The following PRR16 variants were observed in gnomAD, a reference collection of about 807,000 sequenced individuals.
PRR16 encodes the protein protein Largen.
A neutral mutation model predicts 18.2 loss-of-function variants in PRR16; 6 were observed. That is an observed-to-expected ratio of 0.33 (90% CI 0.18 to 0.65). PRR16 has a LOEUF of 0.65. Among genes scored for constraint, PRR16 ranks in the 30% least tolerant of loss-of-function variants. PRR16 has a pLI of 0.74. For synonymous variants in PRR16, 151 were observed against 147.8 expected, an observed-to-expected ratio of 1.02 and a Z score of -0.16; for missense variants, 412 against 376.6, an observed-to-expected ratio of 1.09 and a Z score of -0.78.
the PRR16 span, among the ~76,000 whole-genome samples, chr5:120,733,407 C>T: frequency 6.6e-6 from 1 of 152,104 alleles, no homozygotes; most frequent in Non-Finnish European, 1.5e-5. Context: ...ACTTTAACAT[C>T]TCAAATTGTG....
the PRR16 span, among the ~76,000 whole-genome samples, chr5:120,749,900 G>A: frequency 1.3e-5 from 2 of 152,146 alleles, no homozygotes; most frequent in Admixed American, 1.3e-4. Context: ...ACTTTCTTCT[G>A]TAGATTTATA....
chr5:120,750,536 G>A, the PRR16 span, among the ~76,000 whole-genome samples: 33 of 151,892 alleles, frequency 2.2e-4, no homozygotes, highest in Middle Eastern at 3.4e-3. Context: ...GTGTGGTGGC[G>A]CATACCTGTA....
chr5:120,709,840 T>G, the PRR16 span, among the ~76,000 whole-genome samples: 10 of 152,234 alleles, frequency 6.6e-5, no homozygotes, highest in Admixed American at 2.0e-4. Context: ...TCAATAATAT[T>G]CCATTGTATT....
chr5:120,620,300 A>G (rs1380249760), intron 1 of PRR16, among the ~76,000 whole-genome samples: 1 of 152,180 alleles, frequency 6.6e-6, no homozygotes. Flanking sequence ...CACCAAAGCC[A>G]GAAGTTGTAA....
intron 1 of PRR16, among the ~76,000 whole-genome samples, chr5:120,583,086 A>G (rs1454926916): frequency 6.6e-6 from 1 of 152,216 alleles, no homozygotes; most frequent in African/African-American, 2.4e-5. Context: ...CTACCTTACA[A>G]TATGGTGGCT....
At chr5:120,701,552 A>T in the PRR16 span, among the ~76,000 whole-genome samples, 3 of 152,182 alleles carry the variant, frequency 2.0e-5, no homozygotes, top group African/African-American at 7.2e-5. Context: ...TGAAAGCCGG[A>T]CCAGGTGTGA....
chr5:120,724,740 G>A, the PRR16 span, among the ~76,000 whole-genome samples: 50 of 151,662 alleles, frequency 3.3e-4, no homozygotes, highest in South Asian at 3.5e-3. Flanking sequence ...TTAATATCCC[G>A]GACTTTCCTA....
chr5:120,581,459 CA>C (rs1753269098), intron 1 of PRR16, among the ~76,000 whole-genome samples: 1 of 151,852 alleles, frequency 6.6e-6, no homozygotes, highest in South Asian at 2.1e-4. Flanking sequence ...TAATTTTTTT[CA>C]AAAAACCAGC....
At chr5:120,526,575 T>C (rs1751356232) in intron 1 of PRR16, among the ~76,000 whole-genome samples, 1 of 152,126 alleles carries the variant, frequency 6.6e-6, no homozygotes, top group African/African-American at 2.4e-5. Flanking sequence ...CGGAACATAA[T>C]TGGTAGTAGA....
the PRR16 span, chr5:120,781,156 G>T: frequency 6.6e-6 from 1 of 151,704 alleles, no homozygotes; most frequent in Admixed American, 6.6e-5. Flanking sequence ...TTTTCAAACT[G>T]ATGATATTCT....
At chr5:120,703,557 C>A in the PRR16 span, among the ~76,000 whole-genome samples, 1 of 152,182 alleles carries the variant, frequency 6.6e-6, no homozygotes, top group African/African-American at 2.4e-5. Flanking sequence ...GCTGCCATCC[C>A]AATATGTATT....
At chr5:120,487,788 C>A (rs192051001) in intron 1 of PRR16, among the ~76,000 whole-genome samples, 1 of 152,162 alleles carries the variant, frequency 6.6e-6, no homozygotes, top group South Asian at 2.1e-4. Context: ...GTGGGTTTGT[C>A]ATAGATAGCT....
intron 1 of PRR16, among the ~76,000 whole-genome samples, chr5:120,603,556 A>T (rs1380646592): frequency 6.6e-6 from 1 of 151,682 alleles, no homozygotes; most frequent in East Asian, 1.9e-4. Context: ...TCTCAATTTT[A>T]TTCATTTCAG....
rs1042464450 is a variant in PRR16, at chr5:120,686,624, C to G, written c.830C>G (p.Pro277Arg). ...MGISHSNSFP[P>R]IRPATVPPPT... is the part of the protein sequence containing the mutation. ...ATAAGCCACAGTAACAGCTTCCCCC[C>G]TATCAGACCTGCAACTGTGCCTCCT... Residue 277 changes from proline (P) to arginine (R), a missense_variant, in exon 2 of 2, where the codon CCT (proline) becomes CGT (arginine). Physicochemically the swap from Pro to Arg is moderately radical, Grantham distance 103. Transcript: ENST00000407149. The G allele has an allele frequency of 3.9e-5, 63 of 1,608,952 alleles. No individual in the cohort carries two copies. The South Asian group carries it at 6.3e-4, about 16-fold the overall frequency.
At chr5:120,749,552 A>G in the PRR16 span, among the ~76,000 whole-genome samples, 1 of 152,134 alleles carries the variant, frequency 6.6e-6, no homozygotes, top group Admixed American at 6.5e-5. Context: ...CAGTTCAATG[A>G]GAGTATTTAT....
At chr5:120,612,087 T>A (rs2112807040) in intron 1 of PRR16, among the ~76,000 whole-genome samples, 1 of 152,304 alleles carries the variant, frequency 6.6e-6, no homozygotes, top group African/African-American at 2.4e-5. Context: ...GATTTCAAAC[T>A]TGCACAGCCC....
intron 1 of PRR16, among the ~76,000 whole-genome samples, chr5:120,469,828 G>C (rs1347370596): frequency 6.6e-6 from 1 of 152,070 alleles, no homozygotes; most frequent in Non-Finnish European, 1.5e-5. Flanking sequence ...ATAATTTTGA[G>C]AACATAGAGG....
At chr5:120,689,144 T>A (rs1429546364), downstream of PRR16, among the ~76,000 whole-genome samples, 1 of 152,206 alleles carries the variant, frequency 6.6e-6, no homozygotes, top group Non-Finnish European at 1.5e-5. Flanking sequence ...CATTTAATGT[T>A]AGATTACAGC....
At chr5:120,709,369 C>T in the PRR16 span, among the ~76,000 whole-genome samples, 1 of 152,080 alleles carries the variant, frequency 6.6e-6, no homozygotes, top group African/African-American at 2.4e-5. Context: ...TATGGATACA[C>T]ATTAGTTGTT....
Sources: gnomAD v4.1 joint callset for allele counts (sites outside exome capture counted in the v4.1 genomes callset) on GRCh38, gnomAD v4.1.1 for gene constraint, MANE v1.5 for transcripts, NCBI Gene and HGNC (gene_info 2026-07-23, HGNC 2026-07-21) for gene names.